Variants in TPH2 observed in about 807,000 individuals in gnomAD.
TPH2 encodes tryptophan hydroxylase 2.
Under a neutral mutation model 59.1 loss-of-function variants are expected in TPH2, and 27 were observed. That is an observed-to-expected ratio of 0.46 (90% CI 0.34 to 0.63). The LOEUF (loss-of-function observed/expected upper bound fraction) is 0.63. Ranked by LOEUF, TPH2 falls within the 30% of genes least tolerant of loss-of-function variation. TPH2 has a pLI of 0.01. For synonymous variants in TPH2, 220 were observed against 210.5 expected, an observed-to-expected ratio of 1.05 and a Z score of -0.39; for missense variants, 523 against 588.3, an observed-to-expected ratio of 0.89 and a Z score of 1.15.
intron 9 of TPH2, among the ~76,000 whole-genome samples, chr12:72,028,942 T>C (rs1243397040): frequency 6.6e-6 from 1 of 152,232 alleles, no homozygotes; most frequent in Non-Finnish European, 1.5e-5. Context: ...CAGAGTGCCG[T>C]ATGCTCTGGG....
chr12:72,016,412 G>A (rs1465885144), intron 8 of TPH2, among the ~76,000 whole-genome samples: 1 of 152,068 alleles, frequency 6.6e-6, no homozygotes, highest in Non-Finnish European at 1.5e-5. Context: ...GAGGGTGTGG[G>A]TTTGGAAGCT....
intron 7 of TPH2, among the ~76,000 whole-genome samples, chr12:71,990,307 C>T (rs1566145832): frequency 6.6e-6 from 1 of 152,180 alleles, no homozygotes; most frequent in Non-Finnish European, 1.5e-5. Flanking sequence ...AACTACTTTA[C>T]ATGCAGGACA....
chr12:71,939,845 A>G (rs1871007685), intron 1 of TPH2, among the ~76,000 whole-genome samples: 1 of 152,218 alleles, frequency 6.6e-6, no homozygotes, highest in Admixed American at 6.5e-5. Flanking sequence ...GGTCCTAGTC[A>G]TTAAAAATAT....
rs182395991 is a variant in TPH2, at chr12:72,016,067, C to T, written c.1069-6332C>T. ...TAGATGGGAAACTTGTGCATGATTCCTAGCTCTGGCAACCACTAGTTTTGG... is the reference window on the plus strand; with the variant it reads ...TAGATGGGAAACTTGTGCATGATTCTTAGCTCTGGCAACCACTAGTTTTGG... On this transcript the variant is annotated intron_variant, in intron 8 of 10. Transcript: ENST00000333850. 3.0e-4 allele frequency among the ~76,000 whole-genome samples: 46 copies of T among 152,276 alleles called. 1 individual carries two copies. The East Asian group carries it at 8.7e-3, about 29-fold the overall frequency.
intron 7 of TPH2, among the ~76,000 whole-genome samples, chr12:71,984,732 G>T (rs80203100): frequency 1.3e-5 from 2 of 152,308 alleles, no homozygotes; most frequent in East Asian, 3.9e-4. Flanking sequence ...GCTCAGGATT[G>T]CAGTGCAGCA....
At chr12:71,997,369 G>C (rs1413710752) in intron 8 of TPH2, among the ~76,000 whole-genome samples, 1 of 152,168 alleles carries the variant, frequency 6.6e-6, no homozygotes, top group Non-Finnish European at 1.5e-5. Context: ...ATATTCACAG[G>C]TTCTGGGGAT....
At chr12:71,945,509 G>T (rs536123631) in intron 4 of TPH2, among the ~76,000 whole-genome samples, 32 of 152,068 alleles carry the variant, frequency 2.1e-4, no homozygotes, top group Non-Finnish European at 4.3e-4. Flanking sequence ...CGCTTACAGG[G>T]TGCCTCTGTG....
intron 4 of TPH2, among the ~76,000 whole-genome samples, chr12:71,946,572 T>A (rs765959659): frequency 1.3e-5 from 2 of 152,220 alleles, no homozygotes; most frequent in Non-Finnish European, 2.9e-5. Flanking sequence ...TGTCATTTTT[T>A]AAACCGCATA....
At chr12:71,994,713 G>A (rs974831004) in intron 8 of TPH2, 148 bp downstream of exon 8, 122 of 1,004,386 alleles carry the variant, frequency 1.2e-4, no homozygotes, top group Non-Finnish European at 1.6e-4. Flanking sequence ...TTCTTTTGAA[G>A]CACAATGAGT....
At chr12:71,947,427 G>A (rs1278639657) in intron 4 of TPH2, among the ~76,000 whole-genome samples, 2 of 150,640 alleles carry the variant, frequency 1.3e-5, no homozygotes, top group Non-Finnish European at 3.0e-5. Flanking sequence ...GGGAGGGTGG[G>A]TACTCTCTGG....
At chr12:71,956,959 C>A (rs1566120883) in intron 5 of TPH2, among the ~76,000 whole-genome samples, 1 of 152,094 alleles carries the variant, frequency 6.6e-6, no homozygotes, top group Non-Finnish European at 1.5e-5. Flanking sequence ...ACAGTGGGAG[C>A]TAATGTGCTA....
At chr12:71,950,627 G>C (rs1481667457) in intron 5 of TPH2, among the ~76,000 whole-genome samples, 2 of 152,156 alleles carry the variant, frequency 1.3e-5, no homozygotes, top group Non-Finnish European at 2.9e-5. Flanking sequence ...TCTTTCCTCT[G>C]TCTGGTATGA....
chr12:71,996,865 A>C (rs1046273291), intron 8 of TPH2, among the ~76,000 whole-genome samples: 1 of 152,240 alleles, frequency 6.6e-6, no homozygotes, highest in Non-Finnish European at 1.5e-5. Flanking sequence ...TAATTCCATC[A>C]TTCAAATTAC....
Position 72,014,477 on chromosome 12 carries a change from G to A in TPH2, c.1069-7922G>A, listed in dbSNP as rs546260286. Among the ~76,000 whole-genome samples the A allele has an allele frequency of 9.1e-4, 132 of 145,570 alleles. 1 individual carries two copies. Among genetic ancestry groups the A allele is most frequent in the South Asian group, 5.0e-3 (23 of 4,624 alleles). ...GTGATCTCGGCTCACTGCAACCTCCGCCTCCCTGTTTCAAGTGATTCTCCT... is the reference window on the plus strand; with the variant it reads ...GTGATCTCGGCTCACTGCAACCTCCACCTCCCTGTTTCAAGTGATTCTCCT... On this transcript the variant is annotated intron_variant, in intron 8 of 10. Coordinates refer to ENST00000333850, the MANE Select transcript of TPH2 (RefSeq NM_173353.4).
At chr12:71,999,139 A>G (rs1872761807) in intron 8 of TPH2, among the ~76,000 whole-genome samples, 1 of 152,098 alleles carries the variant, frequency 6.6e-6, no homozygotes, top group South Asian at 2.1e-4. Flanking sequence ...TCTTGGTCTG[A>G]TTTTCCGAGG....
intron 7 of TPH2, among the ~76,000 whole-genome samples, chr12:71,980,528 TTCCCTGAAAGTGTTTTCAGGG>T (rs976213617): frequency 6.6e-6 from 1 of 152,104 alleles, no homozygotes; most frequent in Non-Finnish European, 1.5e-5. Context: ...TTTTTTCAGC[TTCCCTGAAAGTGTTTTCAGGG>T]TAAACAGAGG....
At chr12:72,014,472 C>T (rs771019063) in intron 8 of TPH2, among the ~76,000 whole-genome samples, 24 of 149,516 alleles carry the variant, frequency 1.6e-4, no homozygotes, top group Non-Finnish European at 2.8e-4. Context: ...CTCACTGCAA[C>T]CTCCGCCTCC....
At chr12:71,966,893 C>T (rs750992580) in intron 5 of TPH2, among the ~76,000 whole-genome samples, 3 of 152,162 alleles carry the variant, frequency 2.0e-5, no homozygotes, top group Non-Finnish European at 2.9e-5. Context: ...TGAATTCTAG[C>T]AGCAAGGACT....
chr12:72,000,048 G>A (rs1206164120), intron 8 of TPH2, among the ~76,000 whole-genome samples: 1 of 152,136 alleles, frequency 6.6e-6, no homozygotes, highest in Non-Finnish European at 1.5e-5. Flanking sequence ...TTACAAACAC[G>A]ACTCTCATAC....
Sources: allele counts gnomAD v4.1 joint callset (sites outside exome capture counted in the v4.1 genomes callset), GRCh38; gene constraint gnomAD v4.1.1; transcripts MANE v1.5; gene names NCBI Gene and HGNC (gene_info 2026-07-23, HGNC 2026-07-21).